The following EHBP1 variants were observed in gnomAD, a reference collection of about 807,000 sequenced individuals.
The protein encoded by EHBP1 is EH domain binding protein 1.
Under a neutral mutation model 144.0 loss-of-function variants are expected in EHBP1, and 55 were observed. The observed-to-expected ratio is 0.38, with a 90% CI of 0.31 to 0.48. The LOEUF (loss-of-function observed/expected upper bound fraction) is 0.48, where lower values mean the gene tolerates loss of function less well. EHBP1 is among the 20% of genes least tolerant of loss of function. The pLI, the probability that EHBP1 is intolerant of heterozygous loss-of-function variation, is 0.98. For missense variants in EHBP1, 1,200 were observed against 1,364.2 expected (o/e 0.88, Z 1.90); for synonymous variants, 469 against 472.7 (o/e 0.99, Z 0.10).
chr2:62,931,434 G>A (rs932710532), intron 10 of EHBP1, among the ~76,000 whole-genome samples: 4 of 152,154 alleles, frequency 2.6e-5, no homozygotes, highest in East Asian at 1.9e-4. Flanking sequence ...TGCACTGATG[G>A]TGTGAATTTA....
chr2:62,953,269 T>C (rs2057498113), intron 13 of EHBP1, among the ~76,000 whole-genome samples: 1 of 144,452 alleles, frequency 6.9e-6, no homozygotes, highest in South Asian at 2.3e-4. Flanking sequence ...CTTCTAAAGA[T>C]ATTCATAAAA....
chr2:62,848,169 C>G (rs978104099), intron 7 of EHBP1, among the ~76,000 whole-genome samples: 1 of 151,512 alleles, frequency 6.6e-6, no homozygotes, highest in African/African-American at 2.4e-5. Flanking sequence ...ACCTCCACCT[C>G]CCAGGTTCAA....
At chr2:62,966,989 T>C (rs1353104729) in intron 14 of EHBP1, among the ~76,000 whole-genome samples, 4 of 152,192 alleles carry the variant, frequency 2.6e-5, no homozygotes, top group Admixed American at 2.0e-4. Flanking sequence ...TCAGTTTCAT[T>C]ATCACCTGCC....
intron 10 of EHBP1, among the ~76,000 whole-genome samples, chr2:62,901,834 C>T (rs1026069889): frequency 1.3e-5 from 2 of 151,754 alleles, no homozygotes; most frequent in African/African-American, 4.8e-5. Flanking sequence ...GGCGTGGCAG[C>T]GATTCCTGAC....
chr2:62,754,270 T>A (rs1483748341), intron 3 of EHBP1, among the ~76,000 whole-genome samples: 1 of 152,180 alleles, frequency 6.6e-6, no homozygotes, highest in African/African-American at 2.4e-5. Flanking sequence ...CCAGACCCTG[T>A]TGCCTGGGTA....
At chr2:62,776,502 A>G (rs894674675) in intron 5 of EHBP1, among the ~76,000 whole-genome samples, 2 of 152,186 alleles carry the variant, frequency 1.3e-5, no homozygotes, top group African/African-American at 2.4e-5. Context: ...AGAAAACTAG[A>G]TTTCTAAATT....
chr2:62,707,660 A>G (rs2034733671), intron 2 of EHBP1, among the ~76,000 whole-genome samples: 1 of 152,248 alleles, frequency 6.6e-6, no homozygotes, highest in Non-Finnish European at 1.5e-5. Context: ...GTATATTTTA[A>G]TATAACAGGC....
chr2:62,766,700 A>G (rs1375945002), intron 4 of EHBP1, among the ~76,000 whole-genome samples: 3 of 152,002 alleles, frequency 2.0e-5, no homozygotes, highest in Non-Finnish European at 2.9e-5. Context: ...ATCTTATATA[A>G]TCCCACCCAG....
intron 19 of EHBP1, among the ~76,000 whole-genome samples, chr2:63,029,329 TA>T (rs1343140584): frequency 1.3e-5 from 2 of 152,016 alleles, no homozygotes; most frequent in Non-Finnish European, 2.9e-5. Flanking sequence ...AATGGAACAC[TA>T]ACTATAGACT....
Position 62,821,625 on chromosome 2 carries a change from A to C in EHBP1, c.313-4462A>C, listed in dbSNP as rs561104995. Among the ~76,000 whole-genome samples, 19 of 152,296 alleles carry C rather than the reference A, an allele frequency of 1.2e-4. No homozygotes were observed. In the South Asian group the frequency reaches 3.9e-3, roughly 32 times the overall value. On this transcript the variant is annotated intron_variant, in intron 5 of 22. Coordinates refer to ENST00000431489, the MANE Select transcript of EHBP1 (RefSeq NM_001142616.3). ...AGCCCTGTAGGTTGAGGCTGCAGTGAGCTGTTTTTGCACCACTGCACTCTA... is the reference window on the plus strand; with the variant it reads ...AGCCCTGTAGGTTGAGGCTGCAGTGCGCTGTTTTTGCACCACTGCACTCTA...
intron 10 of EHBP1, among the ~76,000 whole-genome samples, chr2:62,905,221 C>T (rs2053702797): frequency 6.6e-6 from 1 of 152,106 alleles, no homozygotes; most frequent in Non-Finnish European, 1.5e-5. Context: ...ATGGAAGTAA[C>T]ATTTATGCTG....
At position 62,979,099 on chromosome 2, in the gene EHBP1, G is replaced by A. The variant is rs571847669; in HGVS notation, c.2461-89G>A. On this transcript the variant is annotated intron_variant, in intron 14 of 22. Transcript: ENST00000431489. ...TATAATGTGGGCCAAGCACCATGCTGTAAACCAGTTACTATCATGATGATC... is the reference window on the plus strand; with the variant it reads ...TATAATGTGGGCCAAGCACCATGCTATAAACCAGTTACTATCATGATGATC... 3.6e-6 allele frequency: 5 copies of A among 1,374,482 alleles called. No individual in the cohort carries two copies. The African/African-American group carries it at 4.3e-5, about 12-fold the overall frequency. 85.1% of individuals were successfully genotyped at this position (1,374,482 alleles called of 1,614,324 possible).
intron 1 of EHBP1, among the ~76,000 whole-genome samples, chr2:62,674,652 T>C (rs893616659): frequency 2.0e-5 from 3 of 152,326 alleles, no homozygotes; most frequent in South Asian, 2.1e-4. Flanking sequence ...GTAGTGCACA[T>C]AGGAATCATC....
chr2:63,026,073 A>G (rs1205099326), intron 19 of EHBP1, among the ~76,000 whole-genome samples: 2 of 152,242 alleles, frequency 1.3e-5, no homozygotes, highest in Admixed American at 6.5e-5. Flanking sequence ...AAATGAATAC[A>G]TAAAGACATT....
chr2:62,888,711 G>A (rs2052154456), intron 10 of EHBP1, among the ~76,000 whole-genome samples: 1 of 152,180 alleles, frequency 6.6e-6, no homozygotes, highest in Non-Finnish European at 1.5e-5. Flanking sequence ...CTGTATATTG[G>A]CAGGGCTACT....
intron 7 of EHBP1, among the ~76,000 whole-genome samples, chr2:62,854,904 G>A (rs1331773737): frequency 6.6e-6 from 1 of 152,174 alleles, no homozygotes; most frequent in Non-Finnish European, 1.5e-5. Flanking sequence ...CTCCCTGGGT[G>A]CTACTAAATC....
At chr2:62,677,316 C>A (rs2033335493) in intron 1 of EHBP1, among the ~76,000 whole-genome samples, 1 of 151,490 alleles carries the variant, frequency 6.6e-6, no homozygotes, top group African/African-American at 2.4e-5. Flanking sequence ...ATTGCCATTT[C>A]CCCCCCAAGC....
chr2:62,775,798 A>C (rs923198459), intron 5 of EHBP1, among the ~76,000 whole-genome samples: 2 of 152,204 alleles, frequency 1.3e-5, no homozygotes, highest in African/African-American at 4.8e-5. Context: ...TGAGGTTTAG[A>C]GAGGTTAAGT....
At chr2:62,993,237 G>C (rs921957684) in intron 16 of EHBP1, among the ~76,000 whole-genome samples, 2 of 152,122 alleles carry the variant, frequency 1.3e-5, no homozygotes, top group Non-Finnish European at 2.9e-5. Flanking sequence ...TGTACAAACT[G>C]ATGACACAGA....
Sources: gnomAD v4.1 joint callset for allele counts (sites outside exome capture counted in the v4.1 genomes callset) on GRCh38, gnomAD v4.1.1 for gene constraint, MANE v1.5 for transcripts, NCBI Gene and HGNC (gene_info 2026-07-23, HGNC 2026-07-21) for gene names.